The following TNNT3 variants were observed in gnomAD, a reference collection of about 807,000 sequenced individuals.
The protein encoded by TNNT3 is troponin T, fast skeletal muscle.
In TNNT3, 36 loss-of-function variants were observed where a neutral mutation model predicts 54.2. The ratio of observed to expected loss-of-function variants is 0.66; its 90% CI spans 0.51 to 0.88. The LOEUF (loss-of-function observed/expected upper bound fraction) is 0.88, where lower values mean the gene tolerates loss of function less well. Ranked by LOEUF, TNNT3 falls within the 40% of genes least tolerant of loss-of-function variation. The pLI is 0.00. For synonymous variants in TNNT3, 120 were observed against 109.7 expected (o/e 1.09, Z -0.59); for missense variants, 291 against 331.6 (o/e 0.88, Z 0.95).
rs778495739 is a variant in TNNT3, at chr11:1,934,501, GC to G, written c.481-42del. On this transcript the variant is annotated intron_variant, in intron 12 of 15. Coordinates refer to ENST00000278317, the MANE Select transcript of TNNT3 (RefSeq NM_006757.4). ...GCCTTCAGTGTGGGCTACGCCCTGT[GC>G]CCTCCTGAGACCAGGCCCCTCTCTT... is the stretch of plus-strand genomic sequence containing the variant. 18 of 1,607,294 alleles carry G rather than the reference GC, an allele frequency of 1.1e-5. No homozygotes were observed. The Admixed American group carries it at 1.9e-4, about 17-fold the overall frequency.
rs199899402 is a variant in TNNT3, at chr11:1,922,882, A to C, written c.8A>C (p.Asp3Ala). The change falls in exon 2 of 16, where the codon GAC becomes GCC. Residue 3 changes from aspartate (D) to alanine (A), a missense_variant. Transcript: ENST00000278317. MS[D>A]EEVEQVEEQY... The stretch of plus-strand genomic sequence containing the variant: ...AAACCACCCACCTTCACCATGTCTG[A>C]CGAGGAAGTGTGAGTACCCAGCTGG... 6.2e-7 allele frequency: 1 copy of C among 1,613,566 alleles called. No individual in the cohort carries two copies. Among genetic ancestry groups the C allele is most frequent in the Non-Finnish European group, 8.5e-7 (1 of 1,180,002 alleles).
At chr11:1,926,338 G>A (rs1243180443) in intron 5 of TNNT3, 2 of 1,122,700 alleles carry the variant, frequency 1.8e-6, no homozygotes, top group African/African-American at 1.5e-5. Context: ...ACCGTGTCTT[G>A]CTCGCTCCCC....
At chr11:1,934,075 G>C in intron 11 of TNNT3, 67 bp downstream of exon 11, 2 of 1,507,020 alleles carry the variant, frequency 1.3e-6, no homozygotes, top group South Asian at 2.3e-5. Flanking sequence ...AATGCAGGGG[G>C]CTGAGGCCTT....
intron 5 of TNNT3, chr11:1,925,338 G>T (rs776622850): frequency 1.4e-5 from 22 of 1,536,616 alleles, no homozygotes; most frequent in South Asian, 3.6e-5. Flanking sequence ...GAGCCCATGT[G>T]GGGGTGGGGG....
intron 8 of TNNT3, 55 bp downstream of exon 8, chr11:1,929,883 G>A: frequency 6.7e-7 from 1 of 1,498,716 alleles, no homozygotes; most frequent in Non-Finnish European, 9.0e-7. Flanking sequence ...GGTGGGGGTG[G>A]TCAAGTGAGT....
intron 1 of TNNT3, chr11:1,921,699 G>C (rs1174018625): frequency 6.6e-6 from 1 of 152,256 alleles, no homozygotes; most frequent in Non-Finnish European, 1.5e-5. Context: ...TCCCACCTCA[G>C]CAGTGCAACG....
At chr11:1,936,921 G>C in intron 14 of TNNT3, 42 bp from the exon 15 acceptor site, 1 of 1,582,314 alleles carries the variant, frequency 6.3e-7, no homozygotes, top group African/African-American at 1.3e-5. Context: ...ACGCAGGCCT[G>C]GCCCTCGGGT....
At chr11:1,936,782 G>A (rs931827916) in intron 14 of TNNT3, among the ~76,000 whole-genome samples, 181 bp from the exon 15 acceptor site, 21 of 152,204 alleles carry the variant, frequency 1.4e-4, no homozygotes, top group Non-Finnish European at 1.9e-4. Flanking sequence ...CAGGGGCCAC[G>A]GGACGGTGTC....
In TNNT3 at chr11:1,934,586, T is replaced by TGAA. The variant is rs765275660; in HGVS notation, c.530_532dup (p.Lys177dup). ...GGCAAGAAGCAGACAGCCCGGGAAA[T>TGAA]GAAGAAGAAGATTCTGGCTGAGAGA... On this transcript the variant is annotated inframe_insertion, in exon 13 of 16. Coordinates refer to ENST00000278317, the MANE Select transcript of TNNT3 (RefSeq NM_006757.4). 1.9e-6 allele frequency: 3 copies of TGAA among 1,609,634 alleles called. No individual in the cohort carries two copies. The highest frequency in any genetic ancestry group is 2.5e-6 in the Non-Finnish European group (3 of 1,178,588).
rs568435720 is a variant in TNNT3, at chr11:1,937,144, C to G, written c.722+141C>G. On this transcript the variant is annotated intron_variant, in intron 15 of 15. Coordinates refer to ENST00000278317, the MANE Select transcript of TNNT3 (RefSeq NM_006757.4). ...GACTAACCCGGCCAGGCCACCCAGG[C>G]CAGCATGCGCAGGCCTGTGGCCAGG... The G allele has an allele frequency of 8.7e-5, 79 of 904,454 alleles. No homozygotes were observed. The Admixed American group carries it at 1.0e-3, about 12-fold the overall frequency. 56.0% of individuals were successfully genotyped at this position (904,454 alleles called of 1,614,324 possible). A position where few individuals can be genotyped will look rare whatever the true frequency, so the allele number is the denominator to read the frequency against.
Position 1,929,209 on chromosome 11 carries a change from A to G in TNNT3, c.106+66A>G, listed in dbSNP as rs1162229754. 3.2e-6 allele frequency: 5 copies of G among 1,579,036 alleles called. No individual in the cohort carries two copies. The African/African-American group carries it at 4.0e-5, about 13-fold the overall frequency. On this transcript the variant is annotated intron_variant, in intron 7 of 15. Coordinates refer to ENST00000278317, the MANE Select transcript of TNNT3 (RefSeq NM_006757.4). The stretch of plus-strand genomic sequence containing the variant: ...CTCTAGCCGACGCGAGGGAAAGAGG[A>G]CAGGCTGGGGTCTCTCGCTGCCCTG...
chr11:1,928,265 G>A (rs1479336319), intron 6 of TNNT3, among the ~76,000 whole-genome samples: 3 of 152,198 alleles, frequency 2.0e-5, no homozygotes, highest in South Asian at 2.1e-4. Flanking sequence ...CTAGGCCAGC[G>A]GCAGACCCCC....
At chr11:1,936,103 C>T in intron 14 of TNNT3, 1 of 1,235,312 alleles carries the variant, frequency 8.1e-7, no homozygotes, top group Non-Finnish European at 1.2e-6. Context: ...CCACAGCGGG[C>T]CCCCAGGGGC....
chr11:1,934,749 G>T (rs1589993789), intron 13 of TNNT3, 80 bp from the exon 14 acceptor site: 3 of 1,596,000 alleles, frequency 1.9e-6, no homozygotes, highest in Non-Finnish European at 2.6e-6. Flanking sequence ...GTGCTCCCCA[G>T]TGGCTGCAGG....
At chr11:1,930,459 G>A (rs1473186225) in intron 8 of TNNT3, among the ~76,000 whole-genome samples, 1 of 152,158 alleles carries the variant, frequency 6.6e-6, no homozygotes, top group Non-Finnish European at 1.5e-5. Flanking sequence ...CCCCTTTGGG[G>A]CAGAATTCAG....
rs513735 is a variant in TNNT3 at position 1,934,982 on chromosome 11, T to C, written c.681+63T>C. 0.8 allele frequency: 1,186,700 copies of C among 1,488,936 alleles called. 474,186 individuals carry two copies. The highest frequency in any genetic ancestry group is 0.85 in the East Asian group (37,657 of 44,264). The allele number at this position is 1,488,936 out of a possible 1,614,324, so 92.2% of individuals were successfully genotyped here. ...CTTTCACCCACCAGCAGAGCAGCCA[T>C]CTCCCTGCGTCCCTACCAAACTCTG... On this transcript the variant is annotated intron_variant, in intron 14 of 15. Transcript: ENST00000278317.
chr11:1,922,577 C>T (rs1850343533), intron 1 of TNNT3, among the ~76,000 whole-genome samples: 1 of 152,104 alleles, frequency 6.6e-6, no homozygotes. Context: ...CACGACCTTC[C>T]AACATCCCTT....
chr11:1,922,938 GC>G (rs1287622281), intron 2 of TNNT3, 47 bp downstream of exon 2: 1 of 1,613,524 alleles, frequency 6.2e-7, no homozygotes, highest in Non-Finnish European at 8.5e-7. Context: ...CGGGACCCTG[GC>G]CCCTTGGCTT....
intron 3 of TNNT3, 43 bp from the exon 4 acceptor site, chr11:1,923,512 C>A: frequency 6.2e-7 from 1 of 1,612,158 alleles, no homozygotes; most frequent in Non-Finnish European, 8.5e-7. Flanking sequence ...TCACGGGCTG[C>A]CCCTTCTAAC....
Sources: gnomAD v4.1 joint callset for allele counts (sites outside exome capture counted in the v4.1 genomes callset) on GRCh38, gnomAD v4.1.1 for gene constraint, MANE v1.5 for transcripts, NCBI Gene and HGNC (gene_info 2026-07-23, HGNC 2026-07-21) for gene names.